Variants in GRIA1 observed in about 807,000 individuals in gnomAD.
GRIA1 encodes the protein glutamate ionotropic receptor AMPA type subunit 1.
Under a neutral mutation model 99.2 loss-of-function variants are expected in GRIA1, and 31 were observed. The observed-to-expected ratio is 0.31, with a 90% confidence interval of 0.23 to 0.42. The LOEUF (loss-of-function observed/expected upper bound fraction) is 0.42, where lower values mean the gene tolerates loss of function less well. GRIA1 is among the 10% of genes least tolerant of loss of function. GRIA1 has a pLI of 1.00. For synonymous variants in GRIA1, 438 were observed against 432.4 expected (o/e 1.01, Z -0.16); for missense variants, 782 against 1,157.5 (o/e 0.68, Z 4.71).
At chr5:153,732,834 C>G (rs1761135306) in intron 11 of GRIA1, among the ~76,000 whole-genome samples, 1 of 151,672 alleles carries the variant, frequency 6.6e-6, no homozygotes, top group African/African-American at 2.4e-5. Context: ...ATGTTTTCTT[C>G]TAGGAGTTTT....
intron 2 of GRIA1, among the ~76,000 whole-genome samples, chr5:153,581,547 A>G (rs1763041998): frequency 6.6e-6 from 1 of 152,058 alleles, no homozygotes; most frequent in South Asian, 2.1e-4. Flanking sequence ...CTCTTTTCTA[A>G]GATATTTCCT....
At chr5:153,749,101 A>C (rs1762341562) in intron 11 of GRIA1, among the ~76,000 whole-genome samples, 1 of 152,166 alleles carries the variant, frequency 6.6e-6, no homozygotes, top group Admixed American at 6.5e-5. Flanking sequence ...ACCAGCAAAG[A>C]TAAGCCAACC....
intron 2 of GRIA1, among the ~76,000 whole-genome samples, chr5:153,612,695 A>T (rs1331476545): frequency 6.6e-6 from 1 of 152,264 alleles, no homozygotes; most frequent in East Asian, 1.9e-4. Flanking sequence ...AGAACTTTGC[A>T]TAATCCGTAA....
chr5:153,674,423 T>C, intron 5 of GRIA1, 77 bp from the exon 6 acceptor site: 3 of 1,517,266 alleles, frequency 2.0e-6, no homozygotes, highest in Admixed American at 1.7e-5. Flanking sequence ...GAATGGAAAA[T>C]CCTGTGGTTT....
intron 5 of GRIA1, among the ~76,000 whole-genome samples, chr5:153,667,561 G>A (rs1306959197): frequency 6.6e-6 from 1 of 152,158 alleles, no homozygotes; most frequent in Non-Finnish European, 1.5e-5. Context: ...CATTCATTAA[G>A]CACTTACTAT....
chr5:153,534,851 TA>T (rs1257732956), intron 2 of GRIA1, among the ~76,000 whole-genome samples: 2 of 152,294 alleles, frequency 1.3e-5, no homozygotes, highest in East Asian at 3.9e-4. Flanking sequence ...GAAAAGGGCA[TA>T]TTTGAAAAAG....
At chr5:153,588,453 A>T (rs1763687221) in intron 2 of GRIA1, among the ~76,000 whole-genome samples, 1 of 152,220 alleles carries the variant, frequency 6.6e-6, no homozygotes, top group African/African-American at 2.4e-5. Context: ...TCTGTAATTT[A>T]GCATCAACTA....
intron 1 of GRIA1, among the ~76,000 whole-genome samples, chr5:153,493,008 A>G (rs942077355): frequency 6.6e-6 from 1 of 152,242 alleles, no homozygotes; most frequent in East Asian, 1.9e-4. Flanking sequence ...TGTAAACATC[A>G]TTATAGTTCA....
chr5:153,618,080 G>A (rs1459993261), intron 2 of GRIA1, among the ~76,000 whole-genome samples: 2 of 152,202 alleles, frequency 1.3e-5, no homozygotes, highest in African/African-American at 2.4e-5. Flanking sequence ...TCTTCCCAGA[G>A]GTAACCTGTT....
chr5:153,505,260 T>C (rs1361277349), intron 2 of GRIA1, among the ~76,000 whole-genome samples: 1 of 152,160 alleles, frequency 6.6e-6, no homozygotes, highest in Non-Finnish European at 1.5e-5. Context: ...TGGGGGAAGG[T>C]GCACTTGTTT....
intron 4 of GRIA1, 53 bp downstream of exon 4, chr5:153,650,567 G>A: frequency 6.4e-7 from 1 of 1,551,028 alleles, no homozygotes; most frequent in Non-Finnish European, 8.8e-7. Context: ...TTCAGGAATA[G>A]CCAGACACAC....
chr5:153,569,538 T>C (rs577704954), intron 2 of GRIA1, among the ~76,000 whole-genome samples: 3 of 152,372 alleles, frequency 2.0e-5, no homozygotes, highest in Admixed American at 1.3e-4. Flanking sequence ...AAAGCCCCGA[T>C]TGAGCCTGGC....
chr5:153,651,475 T>C (rs1754572833), intron 4 of GRIA1, among the ~76,000 whole-genome samples: 1 of 152,214 alleles, frequency 6.6e-6, no homozygotes, highest in South Asian at 2.1e-4. Context: ...CTTTTTAAAC[T>C]ACATTTATGT....
rs143855792 is a variant in GRIA1 at position 153,768,814 on chromosome 5, A to G, written c.2023-1354A>G. 8.4e-3 allele frequency among the ~76,000 whole-genome samples: 1,278 copies of G among 152,344 alleles called. 5 individuals carry two copies. Among genetic ancestry groups the G allele is most frequent in the South Asian group, 0.014 (66 of 4,826 alleles). On this transcript the variant is annotated intron_variant, in intron 12 of 15. Transcript: ENST00000285900. ...TTATATAGAATATATGACTCTAGCA[A>G]CAACTATTTTTAAAAAGTAGTCCGT...
intron 2 of GRIA1, among the ~76,000 whole-genome samples, chr5:153,514,827 C>T (rs187012444): frequency 2.0e-5 from 3 of 151,990 alleles, no homozygotes; most frequent in South Asian, 2.1e-4. Flanking sequence ...AGAAAGCATA[C>T]AATAATGGAC....
intron 11 of GRIA1, among the ~76,000 whole-genome samples, chr5:153,725,696 T>G (rs1358962009): frequency 1.8e-5 from 2 of 108,300 alleles, no homozygotes; most frequent in Non-Finnish European, 3.6e-5. Context: ...CTAACTATCC[T>G]AAATATATAT....
chr5:153,705,766 C>T lies in GRIA1; in HGVS notation c.1522C>T (p.Pro508Ser). The change falls in exon 11 of 16, where the codon CCA becomes TCA. Residue 508 changes from proline (P) to serine (S), a missense_variant. Physicochemically the swap from Pro to Ser is moderately conservative, Grantham distance 74 (BLOSUM62 -1). This residue lies in a region of GRIA1 where 87 missense variants were observed against 184.5 expected (regional missense o/e 0.47). Coordinates refer to ENST00000285900, the MANE Select transcript of GRIA1 (RefSeq NM_000827.4). ...VREEVIDFSKPFMSLGISIMI... is the reference protein window; with the variant it reads ...VREEVIDFSKSFMSLGISIMI... ...GGAAGAAGTTATAGATTTCTCCAAA[C>T]CATTTATGAGTTTGGGGATCTCCAT... 7.1e-7 allele frequency: 1 copy of T among 1,406,600 alleles called. No homozygotes were observed. The allele number at this position is 1,406,600 out of a possible 1,614,324, so 87.1% of individuals were successfully genotyped here.
At chr5:153,732,426 G>GT (rs899293237) in intron 11 of GRIA1, among the ~76,000 whole-genome samples, 3 of 152,072 alleles carry the variant, frequency 2.0e-5, no homozygotes, top group Non-Finnish European at 4.4e-5. Flanking sequence ...TCTAAGAATT[G>GT]TAAGGGGATC....
chr5:153,764,372 C>T, intron 11 of GRIA1, 62 bp from the exon 12 acceptor site: 1 of 1,323,716 alleles, frequency 7.6e-7, no homozygotes, highest in Non-Finnish European at 1.1e-6. Flanking sequence ...TGCTCAGTCC[C>T]TCCCCAGAGC....
Sources: gnomAD v4.1 joint callset for allele counts (sites outside exome capture counted in the v4.1 genomes callset) on GRCh38, gnomAD v4.1.1 for gene constraint, gnomAD v4.1.1 regional missense constraint, MANE v1.5 for transcripts, NCBI Gene and HGNC (gene_info 2026-07-23, HGNC 2026-07-21) for gene names.